The following DENND6B variants were observed in gnomAD, a reference collection of about 807,000 sequenced individuals.
The protein encoded by DENND6B is DENN domain containing 6B, also known as protein DENND6B.
DENND6B carries 73 observed loss-of-function variants against 85.1 expected under a neutral mutation model. That is an observed-to-expected ratio of 0.86 (90% CI 0.71 to 1.04). The LOEUF is 1.04. DENND6B is among the 50% of genes least tolerant of loss of function. The pLI is 0.00. For missense variants in DENND6B, 715 were observed against 785.8 expected (o/e 0.91, Z 1.08); for synonymous variants, 357 against 329.3 (o/e 1.08, Z -0.91).
chr22:50,318,712 A>G, intron 3 of DENND6B, 135 bp downstream of exon 3: 1 of 1,294,042 alleles, frequency 7.7e-7, no homozygotes, highest in Non-Finnish European at 1.1e-6. Context: ...CGGAGTGGGC[A>G]TGGGGCTGGT....
rs768971479 is a variant in DENND6B, at chr22:50,312,159, C to G, written c.1738G>C (p.Ala580Pro). The stretch of plus-strand genomic sequence containing the variant: ...TTGTTCTAGGGAGGGCACAAGACAG[C>G]CTGCAGGTCTTTGGGCAGGGAGCCG... The part of the protein sequence containing the change: ...VIGSLPKDLQ[A>P]VLCPP Residue 580 changes from alanine (A) to proline (P), a missense_variant, in exon 20 of 20, where the codon GCT (alanine) becomes CCT (proline). Coordinates refer to ENST00000413817, the MANE Select transcript of DENND6B (RefSeq NM_001001794.4). The G allele has an allele frequency of 7.4e-6, 12 of 1,612,334 alleles. No homozygotes were observed. In the African/African-American group the frequency reaches 1.5e-4, roughly 20 times the overall value.
intron 4 of DENND6B, among the ~76,000 whole-genome samples, chr22:50,317,699 C>T (rs1452275973): frequency 1.3e-5 from 2 of 152,146 alleles, no homozygotes; most frequent in African/African-American, 4.8e-5. Flanking sequence ...AAGGAAAAGT[C>T]CCAGGGACCC....
rs2147798450 is a variant in DENND6B at position 50,326,761 on chromosome 22, G to C, written c.177+51C>G. 5.3e-6 allele frequency: 7 copies of C among 1,316,286 alleles called. No homozygotes were observed. In the South Asian group the frequency reaches 1.4e-4, roughly 26 times the overall value. 81.5% of individuals were successfully genotyped at this position (1,316,286 alleles called of 1,614,324 possible). A position where few individuals can be genotyped will look rare whatever the true frequency, so the allele number is the denominator to read the frequency against. The stretch of plus-strand genomic sequence containing the variant: ...CCCCAAGCGAGGCGGGACTGGCCCC[G>C]AGAGGCGCAGCCCTGCCCACCCGCC... On this transcript the variant is annotated intron_variant, in intron 1 of 19. Transcript: ENST00000413817.
intron 1 of DENND6B, among the ~76,000 whole-genome samples, chr22:50,323,601 TG>T (rs2042115688): frequency 6.6e-6 from 1 of 151,970 alleles, no homozygotes; most frequent in Non-Finnish European, 1.5e-5. Flanking sequence ...TTGTATTTTT[TG>T]TAGAGATGTG....
intron 13 of DENND6B, 96 bp downstream of exon 13, chr22:50,314,111 G>C (rs1349845614): frequency 2.1e-6 from 3 of 1,427,732 alleles, no homozygotes; most frequent in South Asian, 1.4e-5. Flanking sequence ...AGAGGATCAG[G>C]GGTCTGGGGG....
At chr22:50,321,644 G>A (rs147926971) in intron 1 of DENND6B, among the ~76,000 whole-genome samples, 85 of 152,202 alleles carry the variant, frequency 5.6e-4, no homozygotes, top group Non-Finnish European at 9.7e-4. Flanking sequence ...TTACAGGTGT[G>A]AGCCACGGCG....
rs575154154 is a variant in DENND6B, at chr22:50,318,077, C to T, written c.260-57G>A. On this transcript the variant is annotated intron_variant, in intron 3 of 19. Transcript: ENST00000413817. Reference sequence around the variant, plus strand: ...AGGCCGGGAGCCTCTTCTGCAGGCCCTGGAGCTGGTGACCGGGGAGCAAGG... The same window carrying T: ...AGGCCGGGAGCCTCTTCTGCAGGCCTTGGAGCTGGTGACCGGGGAGCAAGG... 3.2e-6 allele frequency: 5 copies of T among 1,566,270 alleles called. 1 individual carries two copies. The South Asian group carries it at 4.5e-5, about 14-fold the overall frequency.
In DENND6B at chr22:50,311,850, G is replaced by C. The variant is rs2068065320; in HGVS notation, c.*289C>G. The C allele has an allele frequency of 2.2e-6, 1 of 463,122 alleles. No homozygotes were observed. Among genetic ancestry groups the C allele is most frequent in the Admixed American group, 3.7e-5 (1 of 26,794 alleles). The allele number at this position is 463,122 out of a possible 1,614,324, so 28.7% of individuals were successfully genotyped here. ...ACGGTAGACGCACCCACATCAGCAA[G>C]GGCTCCCAGCCTGTCCCCGCCCCCG... On this transcript the variant is annotated 3_prime_UTR_variant, in exon 20 of 20. Transcript: ENST00000413817.
At chr22:50,319,705 C>T (rs1328519427) in intron 1 of DENND6B, among the ~76,000 whole-genome samples, 1 of 151,000 alleles carries the variant, frequency 6.6e-6, no homozygotes, top group Non-Finnish European at 1.5e-5. Flanking sequence ...GCTCCCCCAG[C>T]CTTTGCTCAG....
At chr22:50,322,765 G>A (rs2042085420) in intron 1 of DENND6B, among the ~76,000 whole-genome samples, 1 of 151,774 alleles carries the variant, frequency 6.6e-6, no homozygotes, top group South Asian at 2.1e-4. Flanking sequence ...CTAGGCTGGT[G>A]GTCTCAAACT....
In DENND6B at chr22:50,314,265, C is replaced by T. The variant is rs1301098398; in HGVS notation, c.1080G>A (p.Leu360=). Residue 360 remains leucine, a synonymous_variant, in exon 13 of 20, where the codon CTG becomes CTA. Transcript: ENST00000413817. ...RVGEPKMSGD[L]PKQVKLKKPS... ...GCTTTTTCAGCTTGACTTGCTTAGG[C>T]AGGTCTCCTACGAGACACGCCCGGT... 6 of 1,609,662 alleles carry T rather than the reference C, an allele frequency of 3.7e-6. 1 individual carries two copies. Among genetic ancestry groups the T allele is most frequent in the South Asian group, 2.2e-5 (2 of 90,966 alleles).
chr22:50,314,936 G>A lies in DENND6B; in HGVS notation c.759-15C>T. On this transcript the variant is annotated splice_polypyrimidine_tract_variant and intron_variant, in intron 9 of 19. Transcript: ENST00000413817. ...GCCGGAAGCACCTGGGGCCGGGCAGGAAGGTCGGGGAGGTCAGGCAGGGGC... is the reference window on the plus strand; with the variant it reads ...GCCGGAAGCACCTGGGGCCGGGCAGAAAGGTCGGGGAGGTCAGGCAGGGGC... 1 of 1,607,248 alleles carries A rather than the reference G, an allele frequency of 6.2e-7. No individual in the cohort carries two copies. The highest frequency in any genetic ancestry group is 8.5e-7 in the Non-Finnish European group (1 of 1,176,140).
At chr22:50,313,945 C>T (rs1252740609) in intron 13 of DENND6B, 67 bp from the exon 14 acceptor site, 5 of 1,506,718 alleles carry the variant, frequency 3.3e-6, no homozygotes, top group Non-Finnish European at 3.5e-6. Flanking sequence ...TGCAGCCCCA[C>T]AGAGGAGCCA....
intron 8 of DENND6B, 39 bp downstream of exon 8, chr22:50,315,986 G>A: frequency 6.2e-7 from 1 of 1,612,212 alleles, no homozygotes. Context: ...ATCGGGTGAA[G>A]CCCAGCTGTT....
chr22:50,318,952 G>A lies in DENND6B; in HGVS notation c.216+13C>T, dbSNP rs1212874766. 6.2e-7 allele frequency: 1 copy of A among 1,608,440 alleles called. No individual in the cohort carries two copies. Among genetic ancestry groups the A allele is most frequent in the African/African-American group, 1.3e-5 (1 of 74,750 alleles). ...CCTGGGTCCTGTCCATTCCCAAGAG[G>A]GCCGGGACTCACCTCCTTGTCTGTG... On this transcript the variant is annotated intron_variant, in intron 2 of 19. Transcript: ENST00000413817.
At position 50,317,284 on chromosome 22, in the gene DENND6B, G is replaced by C. The variant is rs372977178; in HGVS notation, c.453+9C>G. 1.7e-5 allele frequency: 28 copies of C among 1,612,298 alleles called. No individual in the cohort carries two copies. In the African/African-American group the frequency reaches 2.3e-4, roughly 13 times the overall value. On this transcript the variant is annotated intron_variant, in intron 5 of 19. Transcript: ENST00000413817. ...TGAGGTGCCAGCCCAGAGTGGCCAA[G>C]CAGCGCACCTTCTGGAAGTAGCCCC...
At chr22:50,322,657 C>A (rs1484249984) in intron 1 of DENND6B, among the ~76,000 whole-genome samples, 1 of 152,120 alleles carries the variant, frequency 6.6e-6, no homozygotes, top group Non-Finnish European at 1.5e-5. Flanking sequence ...TCAAGCGATT[C>A]TCTTGCCTCA....
Position 50,312,271 on chromosome 22 carries a change from C to A in DENND6B, c.1636-10G>T. On this transcript the variant is annotated splice_polypyrimidine_tract_variant and intron_variant, in intron 19 of 19. Coordinates refer to ENST00000413817, the MANE Select transcript of DENND6B (RefSeq NM_001001794.4). ...GGCCCTGAGCCCGCACCTGGAGGGG[C>A]AGCCATGGTCAGGGCAGGCGCAGCT... is the stretch of plus-strand genomic sequence containing the variant. The A allele has an allele frequency of 6.2e-7, 1 of 1,611,912 alleles. No individual in the cohort carries two copies. Among genetic ancestry groups the A allele is most frequent in the Non-Finnish European group, 8.5e-7 (1 of 1,179,576 alleles).
At chr22:50,319,624 T>A (rs2041980349) in intron 1 of DENND6B, among the ~76,000 whole-genome samples, 4 of 152,028 alleles carry the variant, frequency 2.6e-5, no homozygotes, top group Admixed American at 1.3e-4. Context: ...CCTGGGATGG[T>A]CACGGGGCCC....
Sources: gnomAD v4.1 joint callset for allele counts (sites outside exome capture counted in the v4.1 genomes callset) on GRCh38, gnomAD v4.1.1 for gene constraint, MANE v1.5 for transcripts, NCBI Gene and HGNC (gene_info 2026-07-23, HGNC 2026-07-21) for gene names.